MUC5AC: variants seen among roughly 807,000 people sequenced by gnomAD.
MUC5AC encodes mucin 5AC, oligomeric mucus/gel-forming, also known as mucin-5AC.
In MUC5AC, 158 loss-of-function variants were observed where a neutral mutation model predicts 169.7. That is an observed-to-expected ratio of 0.93 (90% CI 0.82 to 1.06). MUC5AC has a LOEUF of 1.06. Among genes scored for constraint, MUC5AC ranks in the 50% least tolerant of loss-of-function variants. MUC5AC has a pLI of 0.00. For synonymous variants in MUC5AC, 1,975 were observed against 1,237.0 expected, an observed-to-expected ratio of 1.60 and a Z score of -12.52; for missense variants, 4,359 against 3,089.9, an observed-to-expected ratio of 1.41 and a Z score of -9.74.
chr11:1,185,800 C>T lies in MUC5AC; in HGVS notation c.7655C>T (p.Pro2552Leu). The T allele has an allele frequency of 4.1e-6, 3 of 739,148 alleles. No individual in the cohort carries two copies. Among genetic ancestry groups the T allele is most frequent in the Non-Finnish European group, 5.0e-6 (2 of 402,784 alleles). 45.8% of individuals were successfully genotyped at this position (739,148 alleles called of 1,614,324 possible). A position where few individuals can be genotyped will look rare whatever the true frequency, so the allele number is the denominator to read the frequency against. The change falls in exon 31 of 49, where the codon CCT becomes CTT. Residue 2552 changes from proline (P) to leucine (L), a missense_variant. Transcript: ENST00000621226. ...CCTACAACCAGCACAACCTCTGCCC[C>T]TATAAGCAGCACAACCTCTGCCACT... ...SAPTTSTTSA[P>L]ISSTTSATTT...
At chr11:1,173,016 G>GCC (rs1392311162) in intron 16 of MUC5AC, among the ~76,000 whole-genome samples, 2 of 95,490 alleles carry the variant, frequency 2.1e-5, no homozygotes, top group African/African-American at 8.2e-5. Context: ...TCACCCATTC[G>GCC]CCCCCCCACT....
rs1264960004 is a variant in MUC5AC, at chr11:1,187,818, C to T, written c.9673C>T (p.Arg3225Trp). Residue 3225 changes from arginine to tryptophan, a missense_variant, in exon 31 of 49, where the codon CGG (arginine) becomes TGG (tryptophan). Arg to Trp is a moderately radical substitution (Grantham distance 101). Coordinates refer to ENST00000621226, the MANE Select transcript of MUC5AC (RefSeq NM_001304359.2). ...ACCAGTCACCAGAGACTGTCATCTC[C>T]GGTGCACCTGGACCAAGTGGTTTGA... ...SQPVTRDCHL[R>W]CTWTKWFDID... 6.4e-5 allele frequency: 49 copies of T among 764,880 alleles called. 1 individual carries two copies. Among genetic ancestry groups the T allele is most frequent in the Admixed American group, 3.6e-4 (21 of 59,018 alleles). The allele number at this position is 764,880 out of a possible 1,614,324, so 47.4% of individuals were successfully genotyped here. A position where few individuals can be genotyped will look rare whatever the true frequency, so the allele number is the denominator to read the frequency against.
chr11:1,197,686 C>T (rs754999720), intron 41 of MUC5AC, 47 bp downstream of exon 41: 10 of 653,766 alleles, frequency 1.5e-5, no homozygotes, highest in Non-Finnish European at 2.8e-5. Flanking sequence ...GGCAGGTGAC[C>T]CGGAGCCCAC....
intron 9 of MUC5AC, among the ~76,000 whole-genome samples, chr11:1,165,093 C>G (rs1313145782): frequency 6.0e-5 from 9 of 149,132 alleles, no homozygotes; most frequent in Admixed American, 1.3e-4. Flanking sequence ...TGTCCTGGCC[C>G]CCTGAGGCTG....
chr11:1,198,068 G>A (rs1861330231), intron 42 of MUC5AC, 64 bp downstream of exon 42: 2 of 637,442 alleles, frequency 3.1e-6, no homozygotes, highest in South Asian at 1.7e-5. Flanking sequence ...GGGATTTTGG[G>A]GGGCCATAAC....
Position 1,187,527 on chromosome 11 carries a change from C to T in MUC5AC, c.9382C>T (p.Pro3128Ser), listed in dbSNP as rs1860983027. ...SGLGTTPSPI[P>S]TTSTTSPPTT... ...TCTTGGAACTACTCCCAGCCCTATTCCTACCACCAGCACAACCTCTCCTCC... is the reference window on the plus strand; with the variant it reads ...TCTTGGAACTACTCCCAGCCCTATTTCTACCACCAGCACAACCTCTCCTCC... Residue 3128 changes from proline to serine, a missense_variant, in exon 31 of 49, where the codon CCT becomes TCT. By Grantham distance (74) the Pro-to-Ser change is moderately conservative (BLOSUM62 -1). Coordinates refer to ENST00000621226, the MANE Select transcript of MUC5AC (RefSeq NM_001304359.2). The T allele has an allele frequency of 2.7e-6, 2 of 748,000 alleles. No homozygotes were observed. The highest frequency in any genetic ancestry group is 4.9e-6 in the Non-Finnish European group (2 of 409,602). The allele number at this position is 748,000 out of a possible 1,614,324, so 46.3% of individuals were successfully genotyped here.
chr11:1,172,953 CCCAT>C (rs1860582705), intron 16 of MUC5AC, among the ~76,000 whole-genome samples: 1 of 149,484 alleles, frequency 6.7e-6, no homozygotes, highest in Admixed American at 6.6e-5. Flanking sequence ...CGCCCACTCA[CCCAT>C]TCACTCACTC....
chr11:1,179,155 G>T lies in MUC5AC; in HGVS notation c.3391G>T (p.Asp1131Tyr). ...NDACACDSGG[D>Y]CECFCTAVAA... The stretch of plus-strand genomic sequence containing the variant: ...CGCGTGCGCCTGCGACTCCGGGGGT[G>T]ACTGCGAGTGCTTCTGCACGGCTGT... The change falls in exon 26 of 49, where the codon GAC becomes TAC. Residue 1131 changes from aspartate (D) to tyrosine (Y), a missense_variant. Asp to Tyr is a radical substitution (Grantham distance 160, BLOSUM62 -3). Transcript: ENST00000621226. 1 of 679,506 alleles carries T rather than the reference G, an allele frequency of 1.5e-6. No individual in the cohort carries two copies. 42.1% of individuals were successfully genotyped at this position (679,506 alleles called of 1,614,324 possible).
At position 1,200,920 on chromosome 11, in the gene MUC5AC, G is replaced by C; in HGVS notation, c.*218G>C. Reference sequence around the variant, plus strand: ...CGCCTGCAGCCACCTCTCAGGACCAGCCCCGGGGCTGGCCGAGCTCCTCTG... The same window carrying C: ...CGCCTGCAGCCACCTCTCAGGACCACCCCCGGGGCTGGCCGAGCTCCTCTG... On this transcript the variant is annotated 3_prime_UTR_variant, in exon 49 of 49. Coordinates refer to ENST00000621226, the MANE Select transcript of MUC5AC (RefSeq NM_001304359.2). 2.3e-6 allele frequency: 1 copy of C among 442,596 alleles called. No homozygotes were observed. The highest frequency in any genetic ancestry group is 4.0e-6 in the Non-Finnish European group (1 of 249,242). The allele number at this position is 442,596 out of a possible 1,614,324, so 27.4% of individuals were successfully genotyped here.
At chr11:1,162,932 G>A (rs1473452402) in intron 5 of MUC5AC, 23 bp from the exon 6 acceptor site, 7 of 1,605,280 alleles carry the variant, frequency 4.4e-6, no homozygotes, top group Non-Finnish European at 4.3e-6. Context: ...GGGGATGGGT[G>A]TCTGATGTCT....
At chr11:1,163,068 G>A (rs771792718) in intron 6 of MUC5AC, 23 bp downstream of exon 6, 4 of 1,605,214 alleles carry the variant, frequency 2.5e-6, no homozygotes, top group South Asian at 2.2e-5. Context: ...ATCGCCCTCA[G>A]CCCCTTCCTC....
chr11:1,163,326 A>G (rs1404349091), intron 6 of MUC5AC, among the ~76,000 whole-genome samples: 2 of 152,160 alleles, frequency 1.3e-5, no homozygotes, highest in South Asian at 4.1e-4. Flanking sequence ...GAAATGACAG[A>G]CCTGCCTCCT....
chr11:1,182,426 G>A lies in MUC5AC; in HGVS notation c.4281G>A (p.Val1427=), dbSNP rs1381479138. 2 of 398,530 alleles carry A rather than the reference G, an allele frequency of 5.0e-6. No individual in the cohort carries two copies. The highest frequency in any genetic ancestry group is 8.8e-6 in the Non-Finnish European group (2 of 226,090). 24.7% of individuals were successfully genotyped at this position (398,530 alleles called of 1,614,324 possible). A position where few individuals can be genotyped will look rare whatever the true frequency, so the allele number is the denominator to read the frequency against. Residue 1427 remains valine (V), a synonymous_variant, in exon 31 of 49, where the codon GTG becomes GTA. Transcript: ENST00000621226. ...GGGTGTGCGAATCACCCAGGTCGGT[G>A]GAGTGCCGAGCTGAGGACGCCCCCG... ...GYRVCESPRS[V]ECRAEDAPGV... is the part of the protein sequence containing the mutation.
chr11:1,189,990 G>C lies in MUC5AC; in HGVS notation c.11845G>C (p.Val3949Leu). 7.8e-6 allele frequency: 6 copies of C among 765,114 alleles called. No individual in the cohort carries two copies. The highest frequency in any genetic ancestry group is 1.3e-5 in the South Asian group (1 of 74,622). 47.4% of individuals were successfully genotyped at this position (765,114 alleles called of 1,614,324 possible). The change falls in exon 31 of 49, where the codon GTC (valine) becomes CTC (leucine). Residue 3949 changes from valine to leucine, a missense_variant. Coordinates refer to ENST00000621226, the MANE Select transcript of MUC5AC (RefSeq NM_001304359.2). ...SVSKTTHSQP[V>L]TRDCHPRCTW... ...ATCCAAGACAACCCACTCCCAACCA[G>C]TCACCAGAGACTGTCATCCCCGGTG... is the stretch of plus-strand genomic sequence containing the variant.
rs1379396838 is a variant in MUC5AC, at chr11:1,183,837, C to G, written c.5692C>G (p.Pro1898Ala). The change falls in exon 31 of 49, where the codon CCT becomes GCT. Residue 1898 changes from proline (P) to alanine (A), a missense_variant. By Grantham distance (27) the Pro-to-Ala change is conservative. Coordinates refer to ENST00000621226, the MANE Select transcript of MUC5AC (RefSeq NM_001304359.2). ...TVSLSTARTT[P>A]APGTATSVKK... ...GTCTCTCTCTACAGCCAGGACGACA[C>G]CTGCCCCAGGTACCGCTACCTCTGT... 2.5e-6 allele frequency: 1 copy of G among 406,974 alleles called. No homozygotes were observed. Among genetic ancestry groups the G allele is most frequent in the Non-Finnish European group, 4.3e-6 (1 of 233,498 alleles). 25.2% of individuals were successfully genotyped at this position (406,974 alleles called of 1,614,324 possible). A position where few individuals can be genotyped will look rare whatever the true frequency, so the allele number is the denominator to read the frequency against.
chr11:1,194,390 G>A, intron 34 of MUC5AC, 30 bp downstream of exon 34: 1 of 711,238 alleles, frequency 1.4e-6, no homozygotes, highest in Non-Finnish European at 2.6e-6. Flanking sequence ...GCCGCGGAGG[G>A]GGTGGGGGAC....
chr11:1,185,017 G>A lies in MUC5AC; in HGVS notation c.6872G>A (p.Arg2291Lys). 2.9e-6 allele frequency: 2 copies of A among 684,306 alleles called. No homozygotes were observed. The highest frequency in any genetic ancestry group is 1.5e-5 in the South Asian group (1 of 65,158). The allele number at this position is 684,306 out of a possible 1,614,324, so 42.4% of individuals were successfully genotyped here. A position where few individuals can be genotyped will look rare whatever the true frequency, so the allele number is the denominator to read the frequency against. The change falls in exon 31 of 49, where the codon AGA becomes AAA. Residue 2291 changes from arginine (R) to lysine (K), a missense_variant. By Grantham distance (26) the Arg-to-Lys change is conservative. Coordinates refer to ENST00000621226, the MANE Select transcript of MUC5AC (RefSeq NM_001304359.2). The part of the protein sequence containing the change: ...TARTTSAPTT[R>K]TTSASPASTT... ...AGAACAACCTCTGCTCCTACAACCA[G>A]AACAACCTCTGCCTCTCCAGCCAGC...
chr11:1,184,535 C>T lies in MUC5AC; in HGVS notation c.6390C>T (p.Phe2130=), dbSNP rs2133755171. 12 of 649,998 alleles carry T rather than the reference C, an allele frequency of 1.8e-5. No individual in the cohort carries two copies. The East Asian group carries it at 3.0e-4, about 16-fold the overall frequency. The allele number at this position is 649,998 out of a possible 1,614,324, so 40.3% of individuals were successfully genotyped here. The part of the protein sequence containing the change: ...CTWTTWFDVD[F]PSPGPHGGDK... ...GGACAACGTGGTTCGACGTGGACTT[C>T]CCGTCCCCCGGACCCCATGGTGGAG... Residue 2130 remains phenylalanine (F), a synonymous_variant, in exon 31 of 49, where the codon TTC becomes TTT. Coordinates refer to ENST00000621226, the MANE Select transcript of MUC5AC (RefSeq NM_001304359.2).
chr11:1,197,819 C>T, intron 41 of MUC5AC, 84 bp from the exon 42 acceptor site: 1 of 659,368 alleles, frequency 1.5e-6, no homozygotes, highest in Non-Finnish European at 2.7e-6. Context: ...TCTAGGCGGT[C>T]CGCAATCCTA....
Sources: gnomAD v4.1 joint callset for allele counts (sites outside exome capture counted in the v4.1 genomes callset) on GRCh38, gnomAD v4.1.1 for gene constraint, MANE v1.5 for transcripts, NCBI Gene and HGNC (gene_info 2026-07-23, HGNC 2026-07-21) for gene names.